The following CCDC125 variants were observed in gnomAD, a reference collection of about 807,000 sequenced individuals.
The protein encoded by CCDC125 is coiled-coil domain containing 125, also known as coiled-coil domain-containing protein 125.
A neutral mutation model predicts 57.4 loss-of-function variants in CCDC125; 43 were observed. The observed-to-expected ratio is 0.75, with a 90% CI of 0.59 to 0.97. CCDC125 has a LOEUF of 0.97. Ranked by LOEUF, CCDC125 falls within the 50% of genes least tolerant of loss-of-function variation. The pLI is 0.00. For missense variants in CCDC125, 563 were observed against 595.7 expected (o/e 0.95, Z 0.57); for synonymous variants, 187 against 195.2 (o/e 0.96, Z 0.35).
downstream of CCDC125, chr5:69,280,061 C>G (rs1752390949): frequency 6.6e-6 from 1 of 152,136 alleles, no homozygotes; most frequent in Non-Finnish European, 1.5e-5. Context: ...ATCCAGTCAC[C>G]TACCACCAAG....
At position 69,282,642 on chromosome 5, in the gene CCDC125, T is replaced by C; in HGVS notation, c.*87A>G. The stretch of plus-strand genomic sequence containing the variant: ...AGAAATACCTAGGAAACATACAACT[T>C]CTCAAGATGCAGCAAAATTTACAAA... On this transcript the variant is annotated 3_prime_UTR_variant, in exon 12 of 12. Coordinates refer to ENST00000396496, the MANE Select transcript of CCDC125 (RefSeq NM_176816.5). 2 of 1,134,576 alleles carry C rather than the reference T, an allele frequency of 1.8e-6. No individual in the cohort carries two copies. The highest frequency in any genetic ancestry group is 2.5e-6 in the Non-Finnish European group (2 of 796,790). 70.3% of individuals were successfully genotyped at this position (1,134,576 alleles called of 1,614,324 possible).
chr5:69,328,804 T>C (rs941921231), intron 1 of CCDC125, among the ~76,000 whole-genome samples: 1 of 152,196 alleles, frequency 6.6e-6, no homozygotes, highest in East Asian at 1.9e-4. Context: ...TGACTTTTTT[T>C]TTTTTTTGAG....
rs1252740287 is a variant in CCDC125 at position 69,282,612 on chromosome 5, A to C, written c.*117T>G. 2 of 835,278 alleles carry C rather than the reference A, an allele frequency of 2.4e-6. No homozygotes were observed. The highest frequency in any genetic ancestry group is 5.7e-5 in the Admixed American group (2 of 34,830). 51.7% of individuals were successfully genotyped at this position (835,278 alleles called of 1,614,324 possible). A position where few individuals can be genotyped will look rare whatever the true frequency, so the allele number is the denominator to read the frequency against. ...ATATTTGATTTAAGTGACCTCCTAA[A>C]ATTTAGAAATACCTAGGAAACATAC... is the stretch of plus-strand genomic sequence containing the variant. On this transcript the variant is annotated 3_prime_UTR_variant, in exon 12 of 12. Transcript: ENST00000396496.
At chr5:69,303,322 T>A (rs945417244) in intron 7 of CCDC125, among the ~76,000 whole-genome samples, 3 of 151,782 alleles carry the variant, frequency 2.0e-5, no homozygotes, top group Non-Finnish European at 4.4e-5. Flanking sequence ...AGTTCTGGGA[T>A]TACAGGCATG....
intron 1 of CCDC125, among the ~76,000 whole-genome samples, chr5:69,328,962 T>A (rs1194226883): frequency 4.0e-5 from 5 of 126,508 alleles, no homozygotes; most frequent in African/African-American, 1.3e-4. Context: ...CCCGGCTAAT[T>A]TTTTGTATTT....
rs749372673 is a variant in CCDC125, at chr5:69,282,725, GT to G, written c.*3del. 143 of 1,568,314 alleles carry G rather than the reference GT, an allele frequency of 9.1e-5. No individual in the cohort carries two copies. The highest frequency in any genetic ancestry group is 3.4e-4 in the Middle Eastern group (2 of 5,858). On this transcript the variant is annotated 3_prime_UTR_variant, in exon 12 of 12. Coordinates refer to ENST00000396496, the MANE Select transcript of CCDC125 (RefSeq NM_176816.5). ...TCTCAGTTCCAATTTCAACTGGCTT[GT>G]CTTTAAAATATGATACTTGATGGCA...
chr5:69,303,982 C>A, intron 6 of CCDC125, 53 bp from the exon 7 acceptor site: 1 of 1,002,502 alleles, frequency 1.0e-6, no homozygotes, highest in South Asian at 1.6e-5. Flanking sequence ...CCTTGCTGAG[C>A]GAGAATATTT....
At chr5:69,287,252 G>A (rs777112222) in intron 10 of CCDC125, among the ~76,000 whole-genome samples, 9 of 147,136 alleles carry the variant, frequency 6.1e-5, no homozygotes, top group Admixed American at 2.8e-4. Context: ...AAAGCTGTGC[G>A]AGATTAATCA....
chr5:69,301,898 A>AAATAATAATAAT (rs71305003), intron 7 of CCDC125, among the ~76,000 whole-genome samples: 1 of 145,602 alleles, frequency 6.9e-6, no homozygotes, highest in South Asian at 2.2e-4. Context: ...TTCTGTCTCA[A>AAATAATAATAAT]AATAATAATA....
At chr5:69,280,095 T>A (rs1752392145), downstream of CCDC125, 1 of 152,136 alleles carries the variant, frequency 6.6e-6, no homozygotes, top group Admixed American at 6.5e-5. Context: ...ATGTGGGAAT[T>A]ATGGGGATTA....
intron 6 of CCDC125, among the ~76,000 whole-genome samples, chr5:69,305,235 A>C (rs1580112220): frequency 6.6e-6 from 1 of 152,130 alleles, no homozygotes; most frequent in Non-Finnish European, 1.5e-5. Context: ...CTTTTTGGAT[A>C]CAAGGTCTCG....
At chr5:69,323,841 C>T (rs145007683) in intron 1 of CCDC125, 154 of 152,290 alleles carry the variant, frequency 1.0e-3, no homozygotes, top group African/African-American at 3.6e-3. Context: ...CAGAAATGCT[C>T]AACCTTGTGC....
intron 2 of CCDC125, among the ~76,000 whole-genome samples, chr5:69,318,545 C>A (rs1759493804): frequency 6.7e-6 from 1 of 149,984 alleles, no homozygotes; most frequent in Non-Finnish European, 1.5e-5. Flanking sequence ...GAGTTTGAAA[C>A]CAACCTGGCC....
chr5:69,276,794 C>G (rs1752193193), downstream of CCDC125: 2 of 970,572 alleles, frequency 2.1e-6, no homozygotes, highest in South Asian at 1.6e-5. Flanking sequence ...AGCTTGCTAG[C>G]TATTTAATTT....
At chr5:69,292,384 G>T (rs1295570497) in intron 9 of CCDC125, 22 bp from the exon 10 acceptor site, 7 of 1,603,574 alleles carry the variant, frequency 4.4e-6, no homozygotes, top group Non-Finnish European at 6.0e-6. Flanking sequence ...AGACAGTTTG[G>T]GAGGTGTCAG....
At chr5:69,306,134 C>G (rs1757294640) in intron 6 of CCDC125, among the ~76,000 whole-genome samples, 1 of 149,434 alleles carries the variant, frequency 6.7e-6, no homozygotes, top group African/African-American at 2.5e-5. Context: ...GCTATGTCAT[C>G]TAGGCTGGTT....
intron 2 of CCDC125, among the ~76,000 whole-genome samples, chr5:69,317,482 G>A (rs1273781786): frequency 6.7e-6 from 1 of 149,078 alleles, no homozygotes. Context: ...GAGCTACCAC[G>A]AGCTACCACG....
chr5:69,327,697 T>C (rs1341082107), intron 1 of CCDC125, among the ~76,000 whole-genome samples: 1 of 152,206 alleles, frequency 6.6e-6, no homozygotes. Flanking sequence ...TAAGCATAAC[T>C]ACTTTATTGG....
intron 2 of CCDC125, among the ~76,000 whole-genome samples, chr5:69,317,536 G>A (rs1759320296): frequency 6.6e-6 from 1 of 152,166 alleles, no homozygotes; most frequent in African/African-American, 2.4e-5. Context: ...TCACTCTCAT[G>A]TTGTTCTAAT....
Sources: allele counts gnomAD v4.1 joint callset (sites outside exome capture counted in the v4.1 genomes callset), GRCh38; gene constraint gnomAD v4.1.1; transcripts MANE v1.5; gene names NCBI Gene and HGNC (gene_info 2026-07-23, HGNC 2026-07-21).